The following BCL2 variants were observed in gnomAD, a reference collection of about 807,000 sequenced individuals.
BCL2 encodes the protein BCL2 apoptosis regulator, also known as apoptosis regulator Bcl-2.
In BCL2, 1 loss-of-function variant was observed where a neutral mutation model predicts 14.2. The ratio of observed to expected loss-of-function variants is 0.07; its 90% CI spans 0.02 to 0.33. The LOEUF (loss-of-function observed/expected upper bound fraction) is 0.33. Ranked by LOEUF, BCL2 falls within the 10% of genes least tolerant of loss-of-function variation. BCL2 has a pLI of 0.99. For missense variants in BCL2, 247 were observed against 305.9 expected, an observed-to-expected ratio of 0.81 and a Z score of 1.44; for synonymous variants, 151 against 137.2, an observed-to-expected ratio of 1.10 and a Z score of -0.70.
intron 2 of BCL2, among the ~76,000 whole-genome samples, chr18:63,162,948 AG>A (rs1473464520): frequency 1.3e-5 from 2 of 152,104 alleles, no homozygotes; most frequent in African/African-American, 4.8e-5. Flanking sequence ...TTGAATTCCC[AG>A]GATCAAGTGA....
At chr18:63,255,501 AG>A (rs2144215102) in intron 2 of BCL2, among the ~76,000 whole-genome samples, 1 of 152,356 alleles carries the variant, frequency 6.6e-6, no homozygotes, top group African/African-American at 2.4e-5. Context: ...ATCTTCAAAA[AG>A]TAAAGTGGCC....
chr18:63,199,547 CCACA>C (rs1366749143), intron 2 of BCL2, among the ~76,000 whole-genome samples: 1 of 149,956 alleles, frequency 6.7e-6, no homozygotes, highest in Non-Finnish European at 1.5e-5. Flanking sequence ...ATGCACAGAC[CCACA>C]CACACAGATA....
intron 2 of BCL2, among the ~76,000 whole-genome samples, chr18:63,134,927 T>A (rs1165076774): frequency 1.3e-5 from 2 of 152,170 alleles, no homozygotes; most frequent in East Asian, 3.8e-4. Flanking sequence ...ATCTCTTCTC[T>A]CATGACAACT....
chr18:63,176,472 T>A (rs1169609037), intron 2 of BCL2, among the ~76,000 whole-genome samples: 1 of 152,210 alleles, frequency 6.6e-6, no homozygotes, highest in Non-Finnish European at 1.5e-5. Flanking sequence ...GCTTGTTGAT[T>A]GAATGAGTGA....
intron 2 of BCL2, among the ~76,000 whole-genome samples, chr18:63,263,870 G>A (rs1476641225): frequency 6.6e-6 from 1 of 152,138 alleles, no homozygotes; most frequent in Non-Finnish European, 1.5e-5. Flanking sequence ...TCATCACCCA[G>A]GCTGGAGTGC....
chr18:63,310,596 A>G (rs1913283324), intron 2 of BCL2, among the ~76,000 whole-genome samples: 1 of 152,096 alleles, frequency 6.6e-6, no homozygotes, highest in Non-Finnish European at 1.5e-5. Flanking sequence ...TATCTTAGAC[A>G]TTTTTTCGCT....
At chr18:63,129,221 C>T (rs772663290) in intron 2 of BCL2, among the ~76,000 whole-genome samples, 3 of 151,960 alleles carry the variant, frequency 2.0e-5, no homozygotes, top group Non-Finnish European at 4.4e-5. Context: ...TCACACTCCT[C>T]GATTGAGTGT....
intron 2 of BCL2, among the ~76,000 whole-genome samples, chr18:63,286,661 A>C (rs1489776860): frequency 6.6e-6 from 1 of 152,058 alleles, no homozygotes; most frequent in African/African-American, 2.4e-5. Flanking sequence ...TGGCATTCTG[A>C]AGGTCATTGA....
intron 2 of BCL2, among the ~76,000 whole-genome samples, chr18:63,251,460 G>A (rs942587900): frequency 3.3e-5 from 5 of 151,724 alleles, no homozygotes; most frequent in African/African-American, 4.8e-5. Flanking sequence ...CGGCTAACAC[G>A]GTGAAACCCC....
chr18:63,198,159 G>GAC (rs137992605), intron 2 of BCL2, among the ~76,000 whole-genome samples: 2 of 151,116 alleles, frequency 1.3e-5, no homozygotes, highest in African/African-American at 2.4e-5. Flanking sequence ...AAGATGTAGA[G>GAC]ACACACACAC....
At chr18:63,235,012 G>A (rs540578105) in intron 2 of BCL2, among the ~76,000 whole-genome samples, 4 of 152,124 alleles carry the variant, frequency 2.6e-5, no homozygotes, top group East Asian at 3.9e-4. Context: ...ATAGAAAAAC[G>A]GGCCAAGGAA....
At chr18:63,178,883 G>A (rs1175787089) in intron 2 of BCL2, among the ~76,000 whole-genome samples, 1 of 133,004 alleles carries the variant, frequency 7.5e-6, no homozygotes, top group Non-Finnish European at 1.6e-5. Flanking sequence ...GGCAGGGAAG[G>A]GAAAGGGGTT....
intron 2 of BCL2, among the ~76,000 whole-genome samples, chr18:63,190,687 C>T (rs1377703874): frequency 6.6e-6 from 1 of 151,942 alleles, no homozygotes; most frequent in Non-Finnish European, 1.5e-5. Flanking sequence ...TCTTATTTTA[C>T]TTTATTTATT....
intron 2 of BCL2, among the ~76,000 whole-genome samples, chr18:63,239,559 T>C (rs1599262996): frequency 1.3e-5 from 2 of 152,076 alleles, no homozygotes; most frequent in African/African-American, 4.8e-5. Context: ...CTGGCCAACA[T>C]GGTGAAACCC....
intron 2 of BCL2, among the ~76,000 whole-genome samples, chr18:63,166,031 T>A (rs1412163557): frequency 1.3e-5 from 2 of 152,140 alleles, no homozygotes; most frequent in African/African-American, 4.8e-5. Context: ...CATCCAATAC[T>A]GGTTATGGCC....
chr18:63,276,525 G>A lies in BCL2; in HGVS notation c.585+41557C>T, dbSNP rs529929080. ...GGACTTTCCAGTCTCCCCTGGAAGGGCTGAAAAGCCTACGCCATTTTACCT... is the reference window on the plus strand; with the variant it reads ...GGACTTTCCAGTCTCCCCTGGAAGGACTGAAAAGCCTACGCCATTTTACCT... On this transcript the variant is annotated intron_variant, in intron 2 of 2. Transcript: ENST00000333681. Among the ~76,000 whole-genome samples, 15 of 152,256 alleles carry A rather than the reference G, an allele frequency of 9.9e-5. No homozygotes were observed. In the South Asian group the frequency reaches 2.1e-3, roughly 21 times the overall value.
chr18:63,134,851 C>T (rs1350536038), intron 2 of BCL2, among the ~76,000 whole-genome samples: 4 of 152,118 alleles, frequency 2.6e-5, no homozygotes, highest in Admixed American at 2.0e-4. Flanking sequence ...ACACAGCTAT[C>T]GAATGACTTT....
intron 2 of BCL2, among the ~76,000 whole-genome samples, chr18:63,253,208 T>A (rs558935475): frequency 6.6e-6 from 1 of 152,284 alleles, no homozygotes; most frequent in Admixed American, 6.5e-5. Flanking sequence ...TACGTGGCAC[T>A]TAGCAGATGA....
chr18:63,289,843 A>G (rs376682231), intron 2 of BCL2, among the ~76,000 whole-genome samples: 6 of 152,296 alleles, frequency 3.9e-5, no homozygotes, highest in Admixed American at 3.9e-4. Context: ...GCAGTGAGCC[A>G]AGATGGTCCC....
Sources: gnomAD v4.1 joint callset for allele counts (sites outside exome capture counted in the v4.1 genomes callset) on GRCh38, gnomAD v4.1.1 for gene constraint, MANE v1.5 for transcripts, NCBI Gene and HGNC (gene_info 2026-07-23, HGNC 2026-07-21) for gene names.